Variants in UEVLD observed in about 807,000 individuals in gnomAD.
The protein encoded by UEVLD is ubiquitin-conjugating enzyme E2 variant 3.
In UEVLD, 47 loss-of-function variants were observed where a neutral mutation model predicts 58.6. That is an observed-to-expected ratio of 0.80 (90% CI 0.63 to 1.02). The LOEUF (loss-of-function observed/expected upper bound fraction) is 1.02, where lower values mean the gene tolerates loss of function less well. Ranked by LOEUF, UEVLD falls within the 50% of genes least tolerant of loss-of-function variation. The probability of loss-of-function intolerance (pLI) is 0.00; values close to 1 mark genes in which losing one functional copy is unlikely to be tolerated. For missense variants in UEVLD, 510 were observed against 550.6 expected (o/e 0.93, Z 0.74); for synonymous variants, 197 against 195.3 (o/e 1.01, Z -0.07).
chr11:18,572,022 A>T (rs975573162), intron 3 of UEVLD, among the ~76,000 whole-genome samples: 2 of 152,100 alleles, frequency 1.3e-5, no homozygotes, highest in South Asian at 2.1e-4. Context: ...AGATCACGAG[A>T]TCAGGAGATC....
intron 9 of UEVLD, among the ~76,000 whole-genome samples, chr11:18,538,461 G>T (rs1469627952): frequency 6.6e-6 from 1 of 151,606 alleles, no homozygotes; most frequent in Non-Finnish European, 1.5e-5. Flanking sequence ...TCACAGGTGT[G>T]CACCCCCACG....
intron 7 of UEVLD, among the ~76,000 whole-genome samples, chr11:18,557,936 A>C (rs554221481): frequency 3.2e-4 from 49 of 152,340 alleles, no homozygotes; most frequent in Admixed American, 2.0e-3. Flanking sequence ...GAAAAGAGGC[A>C]ATCAGAGATA....
chr11:18,579,564 G>C (rs1853123991), intron 1 of UEVLD: 1 of 915,742 alleles, frequency 1.1e-6, no homozygotes, highest in Admixed American at 6.2e-5. Context: ...ACTGCATCCT[G>C]GGTTTCAAAT....
Position 18,531,526 on chromosome 11 carries a change from C to T in UEVLD, c.*794G>A, listed in dbSNP as rs1004698629. The T allele has an allele frequency of 2.0e-5, 3 of 152,102 alleles. No homozygotes were observed. Among genetic ancestry groups the T allele is most frequent in the Admixed American group, 6.5e-5 (1 of 15,268 alleles). The allele number at this position is 152,102 out of a possible 1,614,324, so 9.4% of individuals were successfully genotyped here. On this transcript the variant is annotated 3_prime_UTR_variant, in exon 12 of 12. Coordinates refer to ENST00000396197, the MANE Select transcript of UEVLD (RefSeq NM_001040697.4). Reference sequence around the variant, plus strand: ...TATGACCAATGTTTTTAATGAAAATCTCATATTTTGGCTTTAAAGTAAGGT... The same window carrying T: ...TATGACCAATGTTTTTAATGAAAATTTCATATTTTGGCTTTAAAGTAAGGT...
chr11:18,588,475 GC>G, intron 1 of UEVLD, 137 bp downstream of exon 1: 1 of 1,021,800 alleles, frequency 9.8e-7, no homozygotes, highest in Non-Finnish European at 1.4e-6. Flanking sequence ...GCGCCCCATA[GC>G]CGGTTTCAGA....
chr11:18,552,658 T>G (rs879541209), intron 7 of UEVLD, among the ~76,000 whole-genome samples: 10 of 149,756 alleles, frequency 6.7e-5, no homozygotes, highest in Admixed American at 4.0e-4. Context: ...GGTTGGGAGT[T>G]CAAGACCAGC....
chr11:18,586,347 TG>T (rs1009105802), intron 1 of UEVLD, among the ~76,000 whole-genome samples: 1 of 152,036 alleles, frequency 6.6e-6, no homozygotes, highest in African/African-American at 2.4e-5. Flanking sequence ...CCCGAGTAGA[TG>T]GGATTACAGG....
intron 7 of UEVLD, among the ~76,000 whole-genome samples, chr11:18,552,862 G>T (rs575309076): frequency 2.3e-4 from 34 of 147,440 alleles, no homozygotes; most frequent in Admixed American, 2.1e-3. Flanking sequence ...GTCTCAAAAA[G>T]AAAAAAAATT....
chr11:18,585,459 A>G (rs537619512), intron 1 of UEVLD, among the ~76,000 whole-genome samples: 266 of 152,070 alleles, frequency 1.7e-3, no homozygotes, highest in African/African-American at 6.2e-3. Context: ...TTTATCTGCA[A>G]TGTCTTCTGT....
intron 3 of UEVLD, among the ~76,000 whole-genome samples, chr11:18,571,335 G>A (rs1330352672): frequency 1.3e-5 from 2 of 152,054 alleles, no homozygotes; most frequent in East Asian, 3.9e-4. Flanking sequence ...GACAGCGCAA[G>A]ACTCTGTCTC....
chr11:18,579,296 G>A, intron 1 of UEVLD: 1 of 229,232 alleles, frequency 4.4e-6, no homozygotes, highest in Non-Finnish European at 7.2e-6. Flanking sequence ...TGCTCTATAG[G>A]AGCAGGAGAA....
intron 7 of UEVLD, among the ~76,000 whole-genome samples, chr11:18,555,100 G>A (rs1030959403): frequency 2.6e-5 from 4 of 151,862 alleles, no homozygotes; most frequent in Non-Finnish European, 5.9e-5. Flanking sequence ...GACCAACCTT[G>A]GCAACATAGT....
At position 18,588,725 on chromosome 11, in the gene UEVLD, G is replaced by A. The variant is rs1853732933; in HGVS notation, c.-71C>T. On this transcript the variant is annotated 5_prime_UTR_variant, in exon 1 of 12. Transcript: ENST00000396197. ...CCTTCTTCCGGACTTGCTGCAGGAC[G>A]GAAGCCGCTGAGGACCAAACTTCCC... 3 of 1,547,968 alleles carry A rather than the reference G, an allele frequency of 1.9e-6. No homozygotes were observed. The highest frequency in any genetic ancestry group is 1.9e-5 in the Admixed American group (1 of 52,844).
At chr11:18,584,653 G>T (rs1183470588) in intron 1 of UEVLD, among the ~76,000 whole-genome samples, 1 of 152,060 alleles carries the variant, frequency 6.6e-6, no homozygotes, top group Admixed American at 6.6e-5. Context: ...GTTTTTTTGA[G>T]ACGGAGTCTT....
chr11:18,535,063 AGAT>A (rs1357093460), intron 10 of UEVLD, among the ~76,000 whole-genome samples: 1 of 152,254 alleles, frequency 6.6e-6, no homozygotes, highest in Non-Finnish European at 1.5e-5. Flanking sequence ...AAAATGTCTG[AGAT>A]TTCATCATTA....
At chr11:18,579,051 T>C (rs1853094951) in intron 1 of UEVLD, among the ~76,000 whole-genome samples, 1 of 151,848 alleles carries the variant, frequency 6.6e-6, no homozygotes, top group African/African-American at 2.4e-5. Context: ...GTATTTTTAG[T>C]AGAGGCAGGG....
In UEVLD at chr11:18,532,402, G is replaced by A. The variant is rs771433671; in HGVS notation, c.1334C>T (p.Thr445Ile). Reference sequence around the variant, plus strand: ...CTCAGTAACTGTATCTTCTTTCAGTGTGGTTTTGATAACTTCAGATACTCC... The same window carrying A: ...CTCAGTAACTGTATCTTCTTTCAGTATGGTTTTGATAACTTCAGATACTCC... ...TNGVSEVIKTTLKEDTVTEKL... is the reference protein window; with the variant it reads ...TNGVSEVIKTILKEDTVTEKL... Residue 445 changes from threonine to isoleucine, a missense_variant, in exon 12 of 12, where the codon ACA (threonine) becomes ATA (isoleucine). By Grantham distance (89) the Thr-to-Ile change is moderately conservative (BLOSUM62 -1). Transcript: ENST00000396197. 2.5e-6 allele frequency: 4 copies of A among 1,613,542 alleles called. No individual in the cohort carries two copies. The highest frequency in any genetic ancestry group is 2.2e-5 in the South Asian group (2 of 91,022).
Position 18,570,273 on chromosome 11 carries a change from C to A in UEVLD, c.298G>T (p.Gly100Ter). 6 of 1,603,988 alleles carry A rather than the reference C, an allele frequency of 3.7e-6. No individual in the cohort carries two copies. The East Asian group carries it at 1.4e-4, about 36-fold the overall frequency. The stretch of plus-strand genomic sequence containing the variant: ...CTGCCTTGAGCATCCACATGTTTTC[C>A]GACTAAGATTCCCATATTTGCAGTT... ...KPTANMGILV[G>*]KHVDAQGRIY... Residue 100 changes from glycine to a stop codon, truncating the protein, a stop_gained, in exon 4 of 12, where the codon GGA (glycine) becomes TGA (stop). Transcript: ENST00000396197. LOFTEE classifies it high-confidence loss of function.
Position 18,530,511 on chromosome 11 carries a change from C to G in UEVLD, c.*1809G>C, listed in dbSNP as rs1850522992. On this transcript the variant is annotated 3_prime_UTR_variant, in exon 12 of 12. Coordinates refer to ENST00000396197, the MANE Select transcript of UEVLD (RefSeq NM_001040697.4). ...ACTAGGATGTGTCTGCCCTTATAAA[C>G]CCTCCTAACTCCATCTGGATTAACC... 6.6e-6 allele frequency: 1 copy of G among 152,126 alleles called. No individual in the cohort carries two copies. Among genetic ancestry groups the G allele is most frequent in the Non-Finnish European group, 1.5e-5 (1 of 68,024 alleles). 9.4% of individuals were successfully genotyped at this position (152,126 alleles called of 1,614,324 possible).
Sources: gnomAD v4.1 joint callset for allele counts (sites outside exome capture counted in the v4.1 genomes callset) on GRCh38, gnomAD v4.1.1 for gene constraint, MANE v1.5 for transcripts, NCBI Gene and HGNC (gene_info 2026-07-23, HGNC 2026-07-21) for gene names.